COPB1: variants seen among roughly 807,000 people sequenced by gnomAD.
COPB1 encodes the protein coat protein complex I subunit beta 1, also known as coatomer subunit beta.
COPB1 carries 21 observed loss-of-function variants against 108.7 expected under a neutral mutation model. That is an observed-to-expected ratio of 0.19 (90% confidence interval 0.14 to 0.28). The LOEUF (loss-of-function observed/expected upper bound fraction) is 0.28. Ranked by LOEUF, COPB1 falls within the 10% of genes least tolerant of loss-of-function variation. COPB1 has a pLI of 1.00. For missense variants in COPB1, 919 were observed against 1,141.3 expected (o/e 0.81, Z 2.81); for synonymous variants, 378 against 386.8 (o/e 0.98, Z 0.27).
intron 11 of COPB1, among the ~76,000 whole-genome samples, chr11:14,478,425 T>C (rs962626800): frequency 4.4e-5 from 5 of 113,508 alleles, no homozygotes; most frequent in African/African-American, 1.3e-4. Context: ...AAAAAATAAA[T>C]AAATAAAGTA....
intron 4 of COPB1, among the ~76,000 whole-genome samples, chr11:14,491,178 G>A (rs905676037): frequency 6.6e-6 from 1 of 151,974 alleles, no homozygotes; most frequent in African/African-American, 2.4e-5. Context: ...CTGAGTATCT[G>A]GGACTACAGG....
At chr11:14,482,754 T>C (rs1315861725) in intron 8 of COPB1, among the ~76,000 whole-genome samples, 1 of 152,204 alleles carries the variant, frequency 6.6e-6, no homozygotes, top group Non-Finnish European at 1.5e-5. Context: ...CAGGCTGGTC[T>C]CAAACTCCTG....
chr11:14,490,417 AT>A, intron 5 of COPB1, 147 bp downstream of exon 5: 1 of 498,166 alleles, frequency 2.0e-6, no homozygotes, highest in South Asian at 3.7e-5. Flanking sequence ...AAAAAAATGT[AT>A]TTTTCTACAA....
chr11:14,458,759 G>T, intron 20 of COPB1, 72 bp from the exon 21 acceptor site: 3 of 1,327,320 alleles, frequency 2.3e-6, no homozygotes, highest in Non-Finnish European at 3.0e-6. Flanking sequence ...AACAGCATAG[G>T]TGACTTTTTT....
intron 9 of COPB1, 34 bp from the exon 10 acceptor site, chr11:14,480,939 C>G: frequency 6.2e-7 from 1 of 1,613,292 alleles, no homozygotes. Flanking sequence ...GTGAGAGTTA[C>G]ATCATATTTG....
chr11:14,465,837 T>C (rs1037014885), intron 17 of COPB1, among the ~76,000 whole-genome samples: 2 of 109,032 alleles, frequency 1.8e-5, no homozygotes, highest in Non-Finnish European at 3.8e-5. Flanking sequence ...GTCTGACCCA[T>C]GTGTCTTTAC....
chr11:14,494,149 T>C (rs923253845), intron 3 of COPB1, 61 bp downstream of exon 3: 37 of 1,181,386 alleles, frequency 3.1e-5, no homozygotes, highest in Non-Finnish European at 3.8e-5. Context: ...ACACAGCCCA[T>C]TCTACCAATT....
intron 5 of COPB1, among the ~76,000 whole-genome samples, chr11:14,489,020 T>C (rs1160876949): frequency 6.6e-6 from 1 of 152,208 alleles, no homozygotes; most frequent in Non-Finnish European, 1.5e-5. Context: ...ATAAATTTTA[T>C]TGGACTATTT....
At chr11:14,469,178 G>A (rs1388866110) in intron 15 of COPB1, among the ~76,000 whole-genome samples, 158 bp downstream of exon 15, 1 of 151,830 alleles carries the variant, frequency 6.6e-6, no homozygotes, top group Non-Finnish European at 1.5e-5. Flanking sequence ...CATTTTTTTT[G>A]TTGAGACAGG....
chr11:14,479,226 T>A (rs1850603916), intron 11 of COPB1, among the ~76,000 whole-genome samples: 1 of 152,166 alleles, frequency 6.6e-6, no homozygotes, highest in Admixed American at 6.5e-5. Flanking sequence ...TAGGTTGCAT[T>A]TTCAATCTTT....
chr11:14,469,697 A>C, intron 14 of COPB1, 134 bp from the exon 15 acceptor site: 1 of 780,602 alleles, frequency 1.3e-6, no homozygotes, highest in South Asian at 1.8e-5. Context: ...TTTTATGTCC[A>C]TATCTGTTTT....
chr11:14,466,966 T>C (rs1850295106), intron 16 of COPB1, among the ~76,000 whole-genome samples: 1 of 152,100 alleles, frequency 6.6e-6, no homozygotes, highest in South Asian at 2.1e-4. Flanking sequence ...CCACTCCAAA[T>C]TTAAACACAC....
chr11:14,497,746 T>A (rs1281421362), intron 2 of COPB1, among the ~76,000 whole-genome samples: 1 of 152,230 alleles, frequency 6.6e-6, no homozygotes, highest in East Asian at 1.9e-4. Context: ...GACTCCTATG[T>A]TTGTTGCAGC....
intron 1 of COPB1, 137 bp downstream of exon 1, chr11:14,499,570 C>T (rs1851106616): frequency 6.7e-6 from 1 of 149,158 alleles, no homozygotes; most frequent in Admixed American, 6.7e-5. Flanking sequence ...CCTAGCCCTC[C>T]GCCCCCACCC....
At chr11:14,496,434 T>C (rs1851020151) in intron 2 of COPB1, among the ~76,000 whole-genome samples, 1 of 152,086 alleles carries the variant, frequency 6.6e-6, no homozygotes, top group South Asian at 2.1e-4. Flanking sequence ...ATTGAAGAAG[T>C]AATCTAATCC....
intron 2 of COPB1, among the ~76,000 whole-genome samples, chr11:14,494,937 A>AC (rs1330102720): frequency 6.6e-6 from 1 of 152,236 alleles, no homozygotes; most frequent in Non-Finnish European, 1.5e-5. Context: ...GCTGAAAACT[A>AC]AAGTAGTGGA....
intron 18 of COPB1, among the ~76,000 whole-genome samples, chr11:14,462,817 C>G (rs977818171): frequency 2.0e-5 from 3 of 152,166 alleles, no homozygotes; most frequent in Non-Finnish European, 4.4e-5. Flanking sequence ...TACCAACTTT[C>G]TTCCCTTATG....
At chr11:14,497,315 T>C (rs1851045095) in intron 2 of COPB1, among the ~76,000 whole-genome samples, 1 of 149,164 alleles carries the variant, frequency 6.7e-6, no homozygotes, top group Admixed American at 6.7e-5. Flanking sequence ...AATAACCAGA[T>C]ATGTAAGGAG....
intron 7 of COPB1, among the ~76,000 whole-genome samples, chr11:14,484,995 A>G (rs1850739438): frequency 6.6e-6 from 1 of 152,142 alleles, no homozygotes; most frequent in African/African-American, 2.4e-5. Context: ...TAAAATCTAC[A>G]TGTAACATTT....
Sources: allele counts gnomAD v4.1 joint callset (sites outside exome capture counted in the v4.1 genomes callset), GRCh38; gene constraint gnomAD v4.1.1; transcripts MANE v1.5; gene names NCBI Gene and HGNC (gene_info 2026-07-23, HGNC 2026-07-21).